The following PHRF1 variants were observed in gnomAD, a reference collection of about 807,000 sequenced individuals.
The protein encoded by PHRF1 is PHD and RING finger domain-containing protein 1.
In PHRF1, 53 loss-of-function variants were observed where a neutral mutation model predicts 128.9. That is an observed-to-expected ratio of 0.41 (90% CI 0.33 to 0.52). The LOEUF (loss-of-function observed/expected upper bound fraction) is 0.52. Ranked by LOEUF, PHRF1 falls within the 20% of genes least tolerant of loss-of-function variation. The pLI, the probability that PHRF1 is intolerant of heterozygous loss-of-function variation, is 0.21. For synonymous variants in PHRF1, 1,178 were observed against 980.6 expected (o/e 1.20, Z -3.76); for missense variants, 2,503 against 2,284.5 (o/e 1.10, Z -1.95).
Position 597,629 on chromosome 11 carries a change from C to A in PHRF1, c.894+59C>A. 3 of 1,513,390 alleles carry A rather than the reference C, an allele frequency of 2.0e-6. No homozygotes were observed. The highest frequency in any genetic ancestry group is 2.0e-5 in the Admixed American group (1 of 51,056). The allele number at this position is 1,513,390 out of a possible 1,614,324, so 93.7% of individuals were successfully genotyped here. On this transcript the variant is annotated intron_variant, in intron 8 of 17. Coordinates refer to ENST00000264555, the MANE Select transcript of PHRF1 (RefSeq NM_001286581.2). This position sits in a 1 kb window ranked among gnomAD's most constrained non-coding sequence, Gnocchi z 6.5. ...CCCCAGCTGCCCAGAGTGATCTCGG[C>A]AGTCTGGGTGGGTGGGAGGGGCGTC...
Position 609,476 on chromosome 11 carries a change from C to A in PHRF1, c.4020C>A (p.Gly1340=), listed in dbSNP as rs752849303. The part of the protein sequence containing the change: ...DPSQPPPLPE[G]TQEPHLLRPD... Reference sequence around the variant, plus strand: ...CGCAGCCCCCACCCCTGCCAGAGGGCACCCAGGAGCCACATTTGCTCAGGC... The same window carrying A: ...CGCAGCCCCCACCCCTGCCAGAGGGAACCCAGGAGCCACATTTGCTCAGGC... Residue 1340 remains glycine (G), a synonymous_variant, in exon 14 of 18, where the codon GGC becomes GGA. Transcript: ENST00000264555. The A allele has an allele frequency of 1.1e-5, 17 of 1,605,062 alleles. No individual in the cohort carries two copies. The highest frequency in any genetic ancestry group is 8.5e-7 in the Non-Finnish European group (1 of 1,179,396).
rs1451166193 is a variant in PHRF1 at position 608,405 on chromosome 11, A to T, written c.2949A>T (p.Arg983Ser). The part of the protein sequence containing the change: ...SPDVLQAATH[R>S]VVELRPPSRS... ...ACGTGCTGCAGGCTGCCACCCACAG[A>T]GTCGTGGAGCTCAGGCCCCCTTCCC... The change falls in exon 14 of 18, where the codon AGA (arginine) becomes AGT (serine). Residue 983 changes from arginine to serine, a missense_variant. By Grantham distance (110) the Arg-to-Ser change is moderately radical. Transcript: ENST00000264555. The T allele has an allele frequency of 1.2e-6, 2 of 1,611,562 alleles. No homozygotes were observed. Among genetic ancestry groups the T allele is most frequent in the African/African-American group, 2.7e-5 (2 of 74,936 alleles).
At position 611,091 on chromosome 11, in the gene PHRF1, T is replaced by C. The variant is rs374381475; in HGVS notation, c.4806+9T>C. 3 of 1,611,874 alleles carry C rather than the reference T, an allele frequency of 1.9e-6. No individual in the cohort carries two copies. The African/African-American group carries it at 4.0e-5, about 22-fold the overall frequency. On this transcript the variant is annotated intron_variant, in intron 17 of 17. Transcript: ENST00000264555. ...GCAAGGCCGTGCAGAAGGTGGGCTG[T>C]GTGCGAGCCTGTGTGTGGGGCTCGG...
intron 5 of PHRF1, among the ~76,000 whole-genome samples, chr11:592,023 G>C (rs12802486): frequency 0.24 from 35,961 of 150,268 alleles, 4,597 homozygotes; most frequent in African/African-American, 0.32. Flanking sequence ...TCACGCCATT[G>C]TCCTGCCTCA....
At chr11:604,285 C>G (rs2133047575) in intron 10 of PHRF1, among the ~76,000 whole-genome samples, 1 of 152,320 alleles carries the variant, frequency 6.6e-6, no homozygotes, top group African/African-American at 2.4e-5. Flanking sequence ...AGACAGTGTT[C>G]TGGGACCACA....
chr11:578,997 G>A lies in PHRF1; in HGVS notation c.-22+2405G>A, dbSNP rs190949341. Among the ~76,000 whole-genome samples, 4 of 152,078 alleles carry A rather than the reference G, an allele frequency of 2.6e-5. No individual in the cohort carries two copies. The East Asian group carries it at 7.7e-4, about 29-fold the overall frequency. ...TGGGACTACAGGTGCACGCCGCCAT[G>A]CCCGGCTCATTTTTTCTATTTTAGT... is the stretch of plus-strand genomic sequence containing the variant. On this transcript the variant is annotated intron_variant, in intron 1 of 17. Transcript: ENST00000264555.
chr11:608,243 T>A lies in PHRF1; in HGVS notation c.2787T>A (p.Ala929=), dbSNP rs1856083022. 2.5e-6 allele frequency: 4 copies of A among 1,609,890 alleles called. No homozygotes were observed. The highest frequency in any genetic ancestry group is 2.5e-6 in the Non-Finnish European group (3 of 1,179,706). The change falls in exon 14 of 18, where the codon GCT becomes GCA. Residue 929 remains alanine (A), a synonymous_variant. Coordinates refer to ENST00000264555, the MANE Select transcript of PHRF1 (RefSeq NM_001286581.2). ...REEPTESQGL[A]ARLRRPSPPE... Reference sequence around the variant, plus strand: ...AGCCCACAGAGAGCCAGGGCCTGGCTGCCCGGCTGCGGAGGCCATCCCCCC... The same window carrying A: ...AGCCCACAGAGAGCCAGGGCCTGGCAGCCCGGCTGCGGAGGCCATCCCCCC...
Position 609,042 on chromosome 11 carries a change from G to A in PHRF1, c.3586G>A (p.Gly1196Arg). The part of the protein sequence containing the change: ...QTRSHSPERK[G>R]AVREASPAPL... ...CCGGTCCCATTCCCCAGAGAGGAAG[G>A]GGGCTGTGAGGGAGGCTTCCCCAGC... The change falls in exon 14 of 18, where the codon GGG (glycine) becomes AGG (arginine). Residue 1196 changes from glycine (G) to arginine (R), a missense_variant. Gly to Arg is a moderately radical substitution (Grantham distance 125). Coordinates refer to ENST00000264555, the MANE Select transcript of PHRF1 (RefSeq NM_001286581.2). 5 of 1,594,410 alleles carry A rather than the reference G, an allele frequency of 3.1e-6. No individual in the cohort carries two copies. The highest frequency in any genetic ancestry group is 4.3e-6 in the Non-Finnish European group (5 of 1,171,116).
chr11:580,759 G>C (rs2134169646), intron 1 of PHRF1, among the ~76,000 whole-genome samples: 1 of 152,280 alleles, frequency 6.6e-6, no homozygotes, highest in South Asian at 2.1e-4. Flanking sequence ...CGCGATCTCG[G>C]CTCACTGCAA....
At position 597,301 on chromosome 11, in the gene PHRF1, A is replaced by G; in HGVS notation, c.719-94A>G. On this transcript the variant is annotated intron_variant, in intron 7 of 17. Coordinates refer to ENST00000264555, the MANE Select transcript of PHRF1 (RefSeq NM_001286581.2). The surrounding 1 kb of genome is among the most constrained non-coding windows in gnomAD (Gnocchi z 6.5). ...TCCTGTGCACAGGTCAGCCCGAGCC[A>G]GGGCTGCTACTTGGCCGGCAGCCAC... is the stretch of plus-strand genomic sequence containing the variant. 1 of 1,468,012 alleles carries G rather than the reference A, an allele frequency of 6.8e-7. No individual in the cohort carries two copies. The highest frequency in any genetic ancestry group is 9.2e-7 in the Non-Finnish European group (1 of 1,086,666). 90.9% of individuals were successfully genotyped at this position (1,468,012 alleles called of 1,614,324 possible).
chr11:605,303 G>A lies in PHRF1; in HGVS notation c.1334+3G>A. 1 of 1,612,300 alleles carries A rather than the reference G, an allele frequency of 6.2e-7. No individual in the cohort carries two copies. Among genetic ancestry groups the A allele is most frequent in the Non-Finnish European group, 8.5e-7 (1 of 1,178,856 alleles). ...TATGAGCTGGATCCCTTCGACAGGT[G>A]AGTGAACTGGTGATGGTCCTGCCTG... On this transcript the variant is annotated splice_donor_region_variant and intron_variant, in intron 11 of 17. Transcript: ENST00000264555.
In PHRF1 at chr11:608,308, CCTT is replaced by C. The variant is rs780112393; in HGVS notation, c.2856_2858del (p.Phe953del). 2 of 1,609,686 alleles carry C rather than the reference CCTT, an allele frequency of 1.2e-6. No homozygotes were observed. The highest frequency in any genetic ancestry group is 2.2e-5 in the East Asian group (1 of 44,812). On this transcript the variant is annotated inframe_deletion, in exon 14 of 18. Coordinates refer to ENST00000264555, the MANE Select transcript of PHRF1 (RefSeq NM_001286581.2). ...GAGGAGGATGGGGCGTCTTGCAGCA[CCTT>C]CTTTGGCTCTGAGGAGCGGACGGTG...
Position 611,675 on chromosome 11 carries a change from G to T in PHRF1, c.4848G>T (p.Val1616=). 1.2e-6 allele frequency: 2 copies of T among 1,613,226 alleles called. No individual in the cohort carries two copies. The highest frequency in any genetic ancestry group is 2.2e-5 in the South Asian group (2 of 91,088). ...GTGGAGAGATCAACCCCGTGAAGGTGGCCAACCTGGTGAAGGCGTACGTGG... is the reference window on the plus strand; with the variant it reads ...GTGGAGAGATCAACCCCGTGAAGGTTGCCAACCTGGTGAAGGCGTACGTGG... The part of the protein sequence containing the change: ...SKSGEINPVK[V]ANLVKAYVDK... The change falls in exon 18 of 18, where the codon GTG becomes GTT. Residue 1616 remains valine (V), a synonymous_variant. Transcript: ENST00000264555.
In PHRF1 at chr11:611,745, G is replaced by A. The variant is rs770406878; in HGVS notation, c.4918G>A (p.Glu1640Lys). ...MRRHKKPEAGEEPPTQGAEG is the reference protein window; with the variant it reads ...MRRHKKPEAGKEPPTQGAEG ...CAGGCACAAGAAACCAGAGGCCGGG[G>A]AGGAGCCGCCCACGCAGGGGGCCGA... Residue 1640 changes from glutamate to lysine, a missense_variant, in exon 18 of 18, where the codon GAG becomes AAG. By Grantham distance (56) the Glu-to-Lys change is moderately conservative. Coordinates refer to ENST00000264555, the MANE Select transcript of PHRF1 (RefSeq NM_001286581.2). 2 of 1,611,702 alleles carry A rather than the reference G, an allele frequency of 1.2e-6. No homozygotes were observed. The highest frequency in any genetic ancestry group is 1.1e-5 in the South Asian group (1 of 90,982).
At chr11:606,966 C>T (rs1855985983) in intron 13 of PHRF1, 100 bp from the exon 14 acceptor site, 12 of 1,494,496 alleles carry the variant, frequency 8.0e-6, no homozygotes, top group Middle Eastern at 2.2e-4. Flanking sequence ...GAGTTTAAAG[C>T]GCACGACCTC....
Position 609,202 on chromosome 11 carries a change from C to G in PHRF1, c.3746C>G (p.Ala1249Gly), listed in dbSNP as rs757006440. The stretch of plus-strand genomic sequence containing the variant: ...CAGGCTCCCCCTGTCCTGGAGGTGG[C>G]AGCTGAGTGTGAGCCGGACGACCTG... ...PLQAPPVLEV[A>G]AECEPDDLDL... The change falls in exon 14 of 18, where the codon GCA (alanine) becomes GGA (glycine). Residue 1249 changes from alanine to glycine, a missense_variant. Transcript: ENST00000264555. 18 of 1,608,412 alleles carry G rather than the reference C, an allele frequency of 1.1e-5. No individual in the cohort carries two copies. Among genetic ancestry groups the G allele is most frequent in the Admixed American group, 1.7e-5 (1 of 60,002 alleles).
intron 3 of PHRF1, among the ~76,000 whole-genome samples, chr11:583,120 C>G (rs750800110): frequency 6.6e-6 from 1 of 151,620 alleles, no homozygotes; most frequent in Non-Finnish European, 1.5e-5. Flanking sequence ...GCGGGCGGAT[C>G]AGGAGGTCAG....
intron 6 of PHRF1, 91 bp downstream of exon 6, chr11:592,765 G>A (rs540698299): frequency 1.0e-5 from 14 of 1,401,412 alleles, no homozygotes; most frequent in South Asian, 4.6e-5. Context: ...GCTCTGTGAA[G>A]TCTGAGTCCC....
intron 8 of PHRF1, among the ~76,000 whole-genome samples, chr11:598,034 G>A (rs1485683154): frequency 1.3e-5 from 2 of 152,130 alleles, no homozygotes; most frequent in Non-Finnish European, 2.9e-5. Context: ...CAAGCCTAAC[G>A]CTGAATTTGG....
Sources: gnomAD v4.1 joint callset for allele counts (sites outside exome capture counted in the v4.1 genomes callset) on GRCh38, gnomAD v4.1.1 for gene constraint, Gnocchi (gnomAD v3.1) non-coding constraint, MANE v1.5 for transcripts, NCBI Gene and HGNC (gene_info 2026-07-23, HGNC 2026-07-21) for gene names.